AIRE: variants seen among roughly 807,000 people sequenced by gnomAD.
AIRE encodes the protein autoimmune polyendocrinopathy candidiasis ectodermal dystrophy protein.
Under a neutral mutation model 62.1 loss-of-function variants are expected in AIRE, and 52 were observed. The observed-to-expected ratio is 0.84, with a 90% CI of 0.67 to 1.06. The LOEUF (loss-of-function observed/expected upper bound fraction) is 1.06, where lower values mean the gene tolerates loss of function less well. AIRE is among the 50% of genes least tolerant of loss of function. The pLI, the probability that AIRE is intolerant of heterozygous loss-of-function variation, is 0.00. For synonymous variants in AIRE, 342 were observed against 321.6 expected (o/e 1.06, Z -0.68); for missense variants, 774 against 755.8 (o/e 1.02, Z -0.28).
intron 12 of AIRE, 100 bp downstream of exon 12, chr21:44,294,603 C>A: frequency 1.8e-6 from 1 of 551,050 alleles, no homozygotes; most frequent in South Asian, 3.4e-5. Context: ...CCCTGGGTGC[C>A]AGCTTCGAGG....
Position 44,290,003 on chromosome 21 carries a change from A to C in AIRE, c.814A>C (p.Arg272=), listed in dbSNP as rs1354403586. Residue 272 remains arginine, a synonymous_variant, in exon 7 of 14, where the codon AGG becomes CGG. Coordinates refer to ENST00000291582, the MANE Select transcript of AIRE (RefSeq NM_000383.4). ...QGAAPGGGEA[R]LGQQGSVPAP... ...TTCCTTGCAGGGTGGAGGTGAGGCT[A>C]GGCTGGGCCAGCAGGGCAGCGTTCC... The C allele has an allele frequency of 6.2e-7, 1 of 1,610,774 alleles. No individual in the cohort carries two copies. The highest frequency in any genetic ancestry group is 2.2e-5 in the East Asian group (1 of 44,828).
chr21:44,289,843 C>T (rs757121893), intron 6 of AIRE, 41 bp downstream of exon 6: 11 of 1,611,324 alleles, frequency 6.8e-6, no homozygotes, highest in Admixed American at 6.7e-5. Flanking sequence ...GCTCTTGATG[C>T]CCCCCGCCCC....
chr21:44,297,764 G>C lies in AIRE; in HGVS notation c.*37G>C, dbSNP rs778082359. ...CGGGACATGCAGCTCTGATGAGAGA[G>C]TGCTGAGAAGGACACCTCCTTCCTC... On this transcript the variant is annotated 3_prime_UTR_variant, in exon 14 of 14. Coordinates refer to ENST00000291582, the MANE Select transcript of AIRE (RefSeq NM_000383.4). The surrounding 1 kb of genome is among the most constrained non-coding windows in gnomAD (Gnocchi z 4.8). 7.6e-6 allele frequency: 12 copies of C among 1,576,742 alleles called. No homozygotes were observed. In the African/African-American group the frequency reaches 1.2e-4, roughly 16 times the overall value.
chr21:44,286,937 AACCCTGAGGTTGGG>A lies in AIRE; in HGVS notation c.308-34_308-21del. On this transcript the variant is annotated intron_variant, in intron 2 of 13. Coordinates refer to ENST00000291582, the MANE Select transcript of AIRE (RefSeq NM_000383.4). The surrounding 1 kb of genome is among the most constrained non-coding windows in gnomAD (Gnocchi z 6.0). ...TGGGGCCCACCCTACCCCTGGAGAAAACCCTGAGGTTGGGACCCTGCTCCTGCCCCTGAGCTGCA... is the reference window on the plus strand; with the variant it reads ...TGGGGCCCACCCTACCCCTGGAGAAAACCCTGCTCCTGCCCCTGAGCTGCA... The A allele has an allele frequency of 6.2e-7, 1 of 1,612,332 alleles. No homozygotes were observed. Among genetic ancestry groups the A allele is most frequent in the Non-Finnish European group, 8.5e-7 (1 of 1,179,714 alleles).
Position 44,289,997 on chromosome 21 carries a change from G to GAGGCTAGGCT in AIRE, c.809_818dup (p.Gln275Ter). 6.2e-7 allele frequency: 1 copy of GAGGCTAGGCT among 1,611,102 alleles called. No homozygotes were observed. The highest frequency in any genetic ancestry group is 8.5e-7 in the Non-Finnish European group (1 of 1,179,362). The stretch of plus-strand genomic sequence containing the variant: ...CCCCTCTTCCTTGCAGGGTGGAGGT[G>GAGGCTAGGCT]AGGCTAGGCTGGGCCAGCAGGGCAG... On this transcript the variant is annotated frameshift_variant, in exon 7 of 14. Coordinates refer to ENST00000291582, the MANE Select transcript of AIRE (RefSeq NM_000383.4). LOFTEE classifies it high-confidence loss of function.
At chr21:44,296,306 C>T in intron 12 of AIRE, 77 bp from the exon 13 acceptor site, 2 of 1,328,324 alleles carry the variant, frequency 1.5e-6, no homozygotes, top group South Asian at 1.2e-5. Flanking sequence ...CCCCCGCGGC[C>T]CCTAGGCCCT....
In AIRE at chr21:44,297,743, AC is replaced by A; in HGVS notation, c.*17del. Reference sequence around the variant, plus strand: ...CCCCTCCTGACCCCAGATGGCCGGGACATGCAGCTCTGATGAGAGAGTGCTG... The same window carrying A: ...CCCCTCCTGACCCCAGATGGCCGGGAATGCAGCTCTGATGAGAGAGTGCTG... On this transcript the variant is annotated 3_prime_UTR_variant, in exon 14 of 14. Coordinates refer to ENST00000291582, the MANE Select transcript of AIRE (RefSeq NM_000383.4). The surrounding 1 kb of genome is among the most constrained non-coding windows in gnomAD (Gnocchi z 4.8). 6.2e-7 allele frequency: 1 copy of A among 1,603,618 alleles called. No homozygotes were observed. The highest frequency in any genetic ancestry group is 8.5e-7 in the Non-Finnish European group (1 of 1,171,986).
At chr21:44,291,241 G>C (rs777693599) in intron 8 of AIRE, 31 bp downstream of exon 8, 1 of 1,596,170 alleles carries the variant, frequency 6.3e-7, no homozygotes, top group Non-Finnish European at 8.5e-7. Context: ...GCGCAACCAG[G>C]CCACCCCGGT....
chr21:44,287,632 C>G lies in AIRE; in HGVS notation c.538+41C>G. 1.3e-6 allele frequency: 2 copies of G among 1,532,394 alleles called. No homozygotes were observed. The highest frequency in any genetic ancestry group is 1.8e-6 in the Non-Finnish European group (2 of 1,131,250). 94.9% of individuals were successfully genotyped at this position (1,532,394 alleles called of 1,614,324 possible). ...TGGGAGCGCCTCCCTTCTCCCTGGCCAGGGGCAAGGGGTCAGGGGTCAGAG... is the reference window on the plus strand; with the variant it reads ...TGGGAGCGCCTCCCTTCTCCCTGGCGAGGGGCAAGGGGTCAGGGGTCAGAG... On this transcript the variant is annotated intron_variant, in intron 4 of 13. Coordinates refer to ENST00000291582, the MANE Select transcript of AIRE (RefSeq NM_000383.4). This position sits in a 1 kb window ranked among gnomAD's most constrained non-coding sequence, Gnocchi z 4.3.
At chr21:44,290,107 T>C (rs2040521381) in intron 7 of AIRE, 39 bp downstream of exon 7, 1 of 1,595,378 alleles carries the variant, frequency 6.3e-7, no homozygotes, top group East Asian at 2.2e-5. Flanking sequence ...CTGTCTGCCC[T>C]TGCTCCCCTC....
rs1481102287 is a variant in AIRE, at chr21:44,292,351, C to CAGCCCCGGGCAGAGG, written c.1054_1068dup (p.Ala352_Arg356dup). 8 of 1,573,210 alleles carry CAGCCCCGGGCAGAGG rather than the reference C, an allele frequency of 5.1e-6. No individual in the cohort carries two copies. The highest frequency in any genetic ancestry group is 6.0e-6 in the Non-Finnish European group (7 of 1,159,578). Reference sequence around the variant, plus strand: ...CCTGCAGGCAACAGTCCAGGAGGTGCAGCCCCGGGCAGAGGAGCCCCGGCC... The same window carrying CAGCCCCGGGCAGAGG: ...CCTGCAGGCAACAGTCCAGGAGGTGCAGCCCCGGGCAGAGGAGCCCCGGGCAGAGGAGCCCCGGCC... On this transcript the variant is annotated inframe_insertion, in exon 9 of 14. Transcript: ENST00000291582.
In AIRE at chr21:44,293,329, C is replaced by T. The variant is rs1179027013; in HGVS notation, c.1278+154C>T. On this transcript the variant is annotated intron_variant, in intron 10 of 13. Transcript: ENST00000291582. ...GCTGTGGGGGGAGCGTGGGGGGCTGCGGGGGGAAGGGGACGCTCCTAGACC... is the reference window on the plus strand; with the variant it reads ...GCTGTGGGGGGAGCGTGGGGGGCTGTGGGGGGAAGGGGACGCTCCTAGACC... 1.5e-3 allele frequency among the ~76,000 whole-genome samples: 56 copies of T among 37,756 alleles called. 1 individual carries two copies. In the Middle Eastern group the frequency reaches 0.044, roughly 30 times the overall value. The allele number at this position is 37,756 out of a possible 152,430, so 24.8% of individuals were successfully genotyped here.
intron 12 of AIRE, among the ~76,000 whole-genome samples, chr21:44,295,965 G>A (rs546240527): frequency 6.6e-6 from 1 of 152,206 alleles, no homozygotes; most frequent in African/African-American, 2.4e-5. Flanking sequence ...GGGGGTGCCT[G>A]CCTGGGGACC....
At chr21:44,288,675 C>T (rs2040505567) in intron 5 of AIRE, 2 of 557,772 alleles carry the variant, frequency 3.6e-6, no homozygotes, top group Non-Finnish European at 6.5e-6. Context: ...GCGGTCCAGG[C>T]CCACATCCCC....
At chr21:44,290,095 C>T in intron 7 of AIRE, 27 bp downstream of exon 7, 1 of 1,600,630 alleles carries the variant, frequency 6.2e-7, no homozygotes, top group South Asian at 1.1e-5. Flanking sequence ...CAGGAGAGGC[C>T]CCTGTCTGCC....
intron 8 of AIRE, 70 bp from the exon 9 acceptor site, chr21:44,292,232 C>A: frequency 7.8e-7 from 1 of 1,274,382 alleles, no homozygotes; most frequent in Non-Finnish European, 1.1e-6. Context: ...TGGAGCTCCA[C>A]CCGTGGGTTT....
At chr21:44,295,018 G>A (rs2040591358) in intron 12 of AIRE, among the ~76,000 whole-genome samples, 1 of 152,232 alleles carries the variant, frequency 6.6e-6, no homozygotes, top group Admixed American at 6.5e-5. Context: ...GTGGCGCGGA[G>A]ACCCCTGACT....
rs916025842 is a variant in AIRE, at chr21:44,292,478, C to A, written c.1095+77C>A. ...CGCCCCCTCCTAGGCTGGGCCACCC[C>A]CTCCTGTCCGTCTGTCCCCTGGAGT... On this transcript the variant is annotated intron_variant, in intron 9 of 13. Coordinates refer to ENST00000291582, the MANE Select transcript of AIRE (RefSeq NM_000383.4). 2.2e-4 allele frequency: 213 copies of A among 982,238 alleles called. 1 individual carries two copies. Among genetic ancestry groups the A allele is most frequent in the Non-Finnish European group, 2.9e-4 (185 of 638,508 alleles). The allele number at this position is 982,238 out of a possible 1,614,324, so 60.8% of individuals were successfully genotyped here.
At position 44,287,933 on chromosome 21, in the gene AIRE, C is replaced by A. The variant is rs1016265967; in HGVS notation, c.538+342C>A. Among the ~76,000 whole-genome samples, 1 of 152,190 alleles carries A rather than the reference C, an allele frequency of 6.6e-6. No homozygotes were observed. The highest frequency in any genetic ancestry group is 2.4e-5 in the African/African-American group (1 of 41,428). On this transcript the variant is annotated intron_variant, in intron 4 of 13. Coordinates refer to ENST00000291582, the MANE Select transcript of AIRE (RefSeq NM_000383.4). This position sits in a 1 kb window ranked among gnomAD's most constrained non-coding sequence, Gnocchi z 4.3. ...GGCCCCCAGCTGCATGCAGGCTGAA[C>A]CCTTCCTGTCCCCTTCTCCTTCCTT...
Sources: allele counts gnomAD v4.1 joint callset (sites outside exome capture counted in the v4.1 genomes callset), GRCh38; gene constraint gnomAD v4.1.1; non-coding constraint Gnocchi (gnomAD v3.1); transcripts MANE v1.5; gene names NCBI Gene and HGNC (gene_info 2026-07-23, HGNC 2026-07-21).